Variants in PALS2 observed in about 807,000 individuals in gnomAD.
PALS2 encodes the protein protein associated with LIN7 2, MAGUK p55 family member.
Under a neutral mutation model 61.6 loss-of-function variants are expected in PALS2, and 27 were observed. The observed-to-expected ratio is 0.44, with a 90% CI of 0.32 to 0.60. PALS2 has a LOEUF of 0.60. Among genes scored for constraint, PALS2 ranks in the 20% least tolerant of loss-of-function variants. PALS2 has a pLI of 0.05. For missense variants in PALS2, 554 were observed against 639.4 expected (o/e 0.87, Z 1.44); for synonymous variants, 236 against 218.6 (o/e 1.08, Z -0.70).
At chr7:24,602,599 T>C (rs1230444482) in intron 1 of PALS2, among the ~76,000 whole-genome samples, 1 of 152,142 alleles carries the variant, frequency 6.6e-6, no homozygotes, top group Non-Finnish European at 1.5e-5. Context: ...GAGAATCAGG[T>C]GGAGGGGTTT....
At chr7:24,585,971 T>A (rs1049266612) in intron 1 of PALS2, among the ~76,000 whole-genome samples, 5 of 152,158 alleles carry the variant, frequency 3.3e-5, no homozygotes, top group African/African-American at 1.2e-4. Flanking sequence ...TTTTGCAAAT[T>A]ATCTCCAAAA....
At chr7:24,590,613 A>G (rs767072922) in intron 1 of PALS2, among the ~76,000 whole-genome samples, 3 of 152,198 alleles carry the variant, frequency 2.0e-5, no homozygotes, top group Middle Eastern at 3.4e-3. Context: ...GCCAACAGGC[A>G]TGTTTTTATT....
chr7:24,623,703 C>T lies in PALS2; in HGVS notation c.36C>T (p.Pro12=). The change falls in exon 2 of 12, where the codon CCC becomes CCT. Residue 12 remains proline, a synonymous_variant. Coordinates refer to ENST00000222644, the MANE Select transcript of PALS2 (RefSeq NM_001303037.2). ...TCTTGGAAAACCTTACGGAGCTGCC[C>T]TCGTCTACTGGAGCAGAAGAAATAG... ...QQVLENLTEL[P]SSTGAEEIDL... 6.2e-7 allele frequency: 1 copy of T among 1,606,908 alleles called. No individual in the cohort carries two copies. Among genetic ancestry groups the T allele is most frequent in the Non-Finnish European group, 8.5e-7 (1 of 1,177,348 alleles).
chr7:24,589,254 C>T (rs551356727), intron 1 of PALS2: 1 of 152,312 alleles, frequency 6.6e-6, no homozygotes, highest in Non-Finnish European at 1.5e-5. Context: ...CAAGTTGCCT[C>T]ATTGATAGAT....
chr7:24,662,501 G>T (rs1379539092), intron 5 of PALS2, among the ~76,000 whole-genome samples: 1 of 152,156 alleles, frequency 6.6e-6, no homozygotes, highest in East Asian at 1.9e-4. Context: ...GGGCGCAGTG[G>T]CTTATGCCTG....
intron 5 of PALS2, among the ~76,000 whole-genome samples, chr7:24,659,065 C>T (rs1307310194): frequency 2.0e-5 from 3 of 152,136 alleles, no homozygotes; most frequent in Admixed American, 2.0e-4. Flanking sequence ...GATATGTACT[C>T]AATGTTTAGC....
chr7:24,672,273 G>A (rs534849631), intron 9 of PALS2, among the ~76,000 whole-genome samples: 1 of 151,518 alleles, frequency 6.6e-6, no homozygotes, highest in Non-Finnish European at 1.5e-5. Flanking sequence ...TGTTGCCCAG[G>A]CTGGAGTGCA....
At chr7:24,624,089 T>A (rs1159189364) in intron 2 of PALS2, 4 of 1,327,080 alleles carry the variant, frequency 3.0e-6, no homozygotes, top group Admixed American at 2.3e-5. Context: ...CTGATCCTAT[T>A]TCCATTTTCA....
At chr7:24,651,095 G>C (rs1173802534) in intron 5 of PALS2, among the ~76,000 whole-genome samples, 1 of 152,128 alleles carries the variant, frequency 6.6e-6, no homozygotes, top group Non-Finnish European at 1.5e-5. Context: ...CTTAGTGTTT[G>C]TGTCATGGGT....
rs757872383 is a variant in PALS2 at position 24,641,876 on chromosome 7, T to G, written c.270+8T>G. 6.2e-7 allele frequency: 1 copy of G among 1,610,472 alleles called. No individual in the cohort carries two copies. The highest frequency in any genetic ancestry group is 8.5e-7 in the Non-Finnish European group (1 of 1,178,332). ...AAAGAACCTCACTTCCAGGTAACTT[T>G]CCCTATCACTCAACTCTCAAGTTCC... On this transcript the variant is annotated splice_region_variant and intron_variant, in intron 3 of 11. Transcript: ENST00000222644.
At chr7:24,598,911 G>A (rs555665215) in intron 1 of PALS2, among the ~76,000 whole-genome samples, 10 of 152,168 alleles carry the variant, frequency 6.6e-5, no homozygotes, top group Admixed American at 3.3e-4. Flanking sequence ...AATGTTTTTT[G>A]TGCTTATTTT....
intron 1 of PALS2, among the ~76,000 whole-genome samples, chr7:24,604,040 T>C (rs1252230982): frequency 2.0e-5 from 3 of 151,806 alleles, no homozygotes; most frequent in African/African-American, 2.4e-5. Context: ...TTAGAATATA[T>C]TGAAAGAATT....
At chr7:24,621,444 A>G (rs573838165) in intron 1 of PALS2, among the ~76,000 whole-genome samples, 39 of 152,254 alleles carry the variant, frequency 2.6e-4, no homozygotes, top group African/African-American at 7.2e-5. Flanking sequence ...AGAGTTCCAT[A>G]TGAAAAACAC....
intron 1 of PALS2, among the ~76,000 whole-genome samples, chr7:24,591,285 C>T (rs930117195): frequency 6.6e-6 from 1 of 152,040 alleles, no homozygotes; most frequent in Non-Finnish European, 1.5e-5. Flanking sequence ...AAAGCATAGT[C>T]TTTGGCTGTA....
chr7:24,655,059 C>A (rs1352853073), intron 5 of PALS2, among the ~76,000 whole-genome samples: 1 of 152,162 alleles, frequency 6.6e-6, no homozygotes, highest in African/African-American at 2.4e-5. Flanking sequence ...TATTGAAAAT[C>A]ATAATGTGAT....
At chr7:24,684,372 T>G (rs1305383342) in intron 11 of PALS2, among the ~76,000 whole-genome samples, 1 of 152,238 alleles carries the variant, frequency 6.6e-6, no homozygotes, top group Non-Finnish European at 1.5e-5. Context: ...AGGTCAGTTA[T>G]TCTTTTTTAA....
intron 1 of PALS2, among the ~76,000 whole-genome samples, chr7:24,614,362 C>T (rs973902590): frequency 2.0e-5 from 3 of 151,532 alleles, no homozygotes; most frequent in African/African-American, 7.3e-5. Flanking sequence ...TGTTCTGAAA[C>T]CTGACTAAAT....
At chr7:24,649,108 G>A (rs1359884093) in intron 3 of PALS2, among the ~76,000 whole-genome samples, 1 of 152,002 alleles carries the variant, frequency 6.6e-6, no homozygotes, top group Non-Finnish European at 1.5e-5. Flanking sequence ...GATATAAGAT[G>A]CTAATATTTA....
intron 3 of PALS2, among the ~76,000 whole-genome samples, chr7:24,646,393 T>A (rs1312332976): frequency 6.6e-6 from 1 of 152,210 alleles, no homozygotes; most frequent in Non-Finnish European, 1.5e-5. Context: ...AAGCCTTTTC[T>A]GCTCTATTGA....
Sources: gnomAD v4.1 joint callset for allele counts (sites outside exome capture counted in the v4.1 genomes callset) on GRCh38, gnomAD v4.1.1 for gene constraint, MANE v1.5 for transcripts, NCBI Gene and HGNC (gene_info 2026-07-23, HGNC 2026-07-21) for gene names.